Variants in NRXN3 observed in about 807,000 individuals in gnomAD.
NRXN3 encodes neurexin III.
Under a neutral mutation model 137.6 loss-of-function variants are expected in NRXN3, and 32 were observed. That is an observed-to-expected ratio of 0.23 (90% CI 0.18 to 0.31). The LOEUF (loss-of-function observed/expected upper bound fraction) is 0.31. Ranked by LOEUF, NRXN3 falls within the 10% of genes least tolerant of loss-of-function variation. NRXN3 has a pLI of 1.00. For synonymous variants in NRXN3, 798 were observed against 784.5 expected (o/e 1.02, Z -0.29); for missense variants, 1,574 against 2,062.5 (o/e 0.76, Z 4.59).
chr14:78,531,688 T>TA (rs1401130052), intron 4 of NRXN3, among the ~76,000 whole-genome samples: 34 of 152,164 alleles, frequency 2.2e-4, no homozygotes, highest in South Asian at 1.7e-3. Flanking sequence ...GGACCCTCCA[T>TA]GAGATTGGAA....
intron 17 of NRXN3, among the ~76,000 whole-genome samples, chr14:79,667,802 G>C (rs1242445413): frequency 6.6e-6 from 1 of 151,908 alleles, no homozygotes; most frequent in African/African-American, 2.4e-5. Flanking sequence ...CAAGGGAGGG[G>C]GGGTGAAAGG....
chr14:79,629,397 A>T (rs2098318703), intron 16 of NRXN3, among the ~76,000 whole-genome samples: 2 of 152,176 alleles, frequency 1.3e-5, no homozygotes, highest in Non-Finnish European at 2.9e-5. Context: ...GATCTGAAAC[A>T]CCTTCCTCAA....
chr14:78,843,034 C>T (rs1441208651), intron 10 of NRXN3, among the ~76,000 whole-genome samples: 1 of 152,062 alleles, frequency 6.6e-6, no homozygotes, highest in African/African-American at 2.4e-5. Context: ...CATACATCCT[C>T]CTCAGCTTAT....
intron 2 of NRXN3, among the ~76,000 whole-genome samples, chr14:78,265,169 T>C (rs1167698403): frequency 6.6e-6 from 1 of 152,350 alleles, no homozygotes; most frequent in East Asian, 1.9e-4. Flanking sequence ...CTTTTCTTTA[T>C]TGGGAAGTTG....
chr14:79,105,803 G>A (rs2052317758), intron 15 of NRXN3, among the ~76,000 whole-genome samples: 1 of 152,106 alleles, frequency 6.6e-6, no homozygotes, highest in Non-Finnish European at 1.5e-5. Context: ...TGGGCCTGGG[G>A]CAGGTTCACA....
At chr14:78,739,956 T>C (rs2098557224) in intron 8 of NRXN3, among the ~76,000 whole-genome samples, 1 of 152,154 alleles carries the variant, frequency 6.6e-6, no homozygotes, top group South Asian at 2.1e-4. Flanking sequence ...GGGGAAGCAA[T>C]GTAGTTGATA....
chr14:78,550,399 G>A (rs1401634045), intron 4 of NRXN3, among the ~76,000 whole-genome samples: 1 of 151,944 alleles, frequency 6.6e-6, no homozygotes, highest in African/African-American at 2.4e-5. Flanking sequence ...TCTCCCCAAT[G>A]AACCCATGGT....
intron 4 of NRXN3, among the ~76,000 whole-genome samples, chr14:78,579,947 A>G (rs2152351557): frequency 6.6e-6 from 1 of 152,304 alleles, no homozygotes; most frequent in African/African-American, 2.4e-5. Context: ...TACAGTAATA[A>G]TTATTACAGT....
chr14:79,685,428 G>GA (rs200941026), intron 17 of NRXN3, among the ~76,000 whole-genome samples: 6 of 150,808 alleles, frequency 4.0e-5, no homozygotes, highest in Admixed American at 6.6e-5. Context: ...ATTGTGGAAG[G>GA]AAAAAAAAAG....
At chr14:79,514,453 C>G (rs746511245) in intron 16 of NRXN3, among the ~76,000 whole-genome samples, 2 of 152,096 alleles carry the variant, frequency 1.3e-5, no homozygotes, top group African/African-American at 2.4e-5. Flanking sequence ...CTTCTTTCCT[C>G]CCATTATTAC....
At chr14:79,068,369 G>C (rs1386493859) in intron 15 of NRXN3, among the ~76,000 whole-genome samples, 1 of 152,060 alleles carries the variant, frequency 6.6e-6, no homozygotes, top group Non-Finnish European at 1.5e-5. Context: ...AAGAGGGAAA[G>C]ACTGAGACCC....
At chr14:78,517,903 C>T (rs2096233520) in intron 4 of NRXN3, among the ~76,000 whole-genome samples, 2 of 152,142 alleles carry the variant, frequency 1.3e-5, no homozygotes, top group Admixed American at 6.5e-5. Flanking sequence ...AAAGTTGTCA[C>T]TCCTCATGTA....
chr14:78,734,417 T>C (rs2098532199), intron 8 of NRXN3, among the ~76,000 whole-genome samples: 1 of 152,222 alleles, frequency 6.6e-6, no homozygotes, highest in Non-Finnish European at 1.5e-5. Flanking sequence ...CACAATGTCA[T>C]TTTAAATGAT....
rs1274357000 is a variant in NRXN3, at chr14:78,243,330, C to T, written c.237C>T (p.Ser79=). ...DGGVCDFLCL[S]LVDGRVQLRF... is the part of the protein sequence containing the mutation. Reference sequence around the variant, plus strand: ...GCGTCTGCGACTTCCTATGCCTCTCCCTGGTGGATGGCCGCGTTCAGCTCC... The same window carrying T: ...GCGTCTGCGACTTCCTATGCCTCTCTCTGGTGGATGGCCGCGTTCAGCTCC... Residue 79 remains serine (S), a synonymous_variant, in exon 2 of 21, where the codon TCC becomes TCT. Coordinates refer to ENST00000335750, the MANE Select transcript of NRXN3 (RefSeq NM_001330195.2). The surrounding 1 kb of genome is among the most constrained non-coding windows in gnomAD (Gnocchi z 4.2). The T allele has an allele frequency of 6.4e-7, 1 of 1,560,330 alleles. No homozygotes were observed. Among genetic ancestry groups the T allele is most frequent in the African/African-American group, 1.3e-5 (1 of 74,200 alleles).
At chr14:79,623,584 T>C (rs1466759334) in intron 16 of NRXN3, among the ~76,000 whole-genome samples, 1 of 152,252 alleles carries the variant, frequency 6.6e-6, no homozygotes, top group Non-Finnish European at 1.5e-5. Flanking sequence ...TAAGCTATCA[T>C]AGTTGAAATA....
intron 16 of NRXN3, among the ~76,000 whole-genome samples, chr14:79,571,599 C>T (rs979097262): frequency 7.9e-5 from 12 of 152,098 alleles, no homozygotes; most frequent in East Asian, 3.9e-4. Context: ...TTTGATCTAG[C>T]GGAGTCCATA....
intron 2 of NRXN3, among the ~76,000 whole-genome samples, chr14:78,249,012 G>A (rs2068158405): frequency 6.6e-6 from 1 of 152,124 alleles, no homozygotes; most frequent in African/African-American, 2.4e-5. Context: ...GATTTCCTGG[G>A]TATACTGTAT....
At chr14:79,376,799 T>C (rs2094316107) in intron 15 of NRXN3, among the ~76,000 whole-genome samples, 1 of 152,224 alleles carries the variant, frequency 6.6e-6, no homozygotes, top group Non-Finnish European at 1.5e-5. Context: ...TATGGATAGA[T>C]GTTTCTGAAG....
chr14:79,393,786 A>G (rs1261686102), intron 15 of NRXN3, among the ~76,000 whole-genome samples: 3 of 152,246 alleles, frequency 2.0e-5, no homozygotes, highest in Non-Finnish European at 4.4e-5. Context: ...ACTGCACTCC[A>G]GCCTGGGTGA....
Sources: gnomAD v4.1 joint callset for allele counts (sites outside exome capture counted in the v4.1 genomes callset) on GRCh38, gnomAD v4.1.1 for gene constraint, Gnocchi (gnomAD v3.1) non-coding constraint, MANE v1.5 for transcripts, NCBI Gene and HGNC (gene_info 2026-07-23, HGNC 2026-07-21) for gene names.